The following GNAL variants were observed in gnomAD, a reference collection of about 807,000 sequenced individuals.
GNAL encodes guanine nucleotide-binding protein G(olf) subunit alpha.
A neutral mutation model predicts 55.1 loss-of-function variants in GNAL; 18 were observed. That is an observed-to-expected ratio of 0.33 (90% CI 0.23 to 0.48). The LOEUF is 0.48. Ranked by LOEUF, GNAL falls within the 20% of genes least tolerant of loss-of-function variation. The pLI, the probability that GNAL is intolerant of heterozygous loss-of-function variation, is 0.99. For synonymous variants in GNAL, 253 were observed against 237.0 expected (o/e 1.07, Z -0.62); for missense variants, 412 against 614.1 (o/e 0.67, Z 3.48).
intron 1 of GNAL, among the ~76,000 whole-genome samples, chr18:11,706,939 A>G (rs1057021311): frequency 2.0e-5 from 3 of 152,190 alleles, no homozygotes; most frequent in African/African-American, 7.2e-5. Flanking sequence ...TCATGTTGCT[A>G]TTTTGACCTC....
At chr18:11,769,764 C>T (rs1294524099) in intron 4 of GNAL, among the ~76,000 whole-genome samples, 2 of 152,168 alleles carry the variant, frequency 1.3e-5, no homozygotes, top group Non-Finnish European at 1.5e-5. Flanking sequence ...TCCATTTTCT[C>T]ATCCCAAGTG....
chr18:11,712,207 C>T (rs1342374576), intron 1 of GNAL, among the ~76,000 whole-genome samples: 1 of 152,146 alleles, frequency 6.6e-6, no homozygotes, highest in African/African-American at 2.4e-5. Context: ...CTGGGTGAAG[C>T]AAGATATAAA....
chr18:11,695,413 C>T (rs954888694), intron 1 of GNAL, among the ~76,000 whole-genome samples: 2 of 152,186 alleles, frequency 1.3e-5, no homozygotes, highest in East Asian at 3.8e-4. Flanking sequence ...CCTGGGTCTA[C>T]ACCAATTAAA....
At chr18:11,776,087 A>T (rs1191475209) in intron 4 of GNAL, among the ~76,000 whole-genome samples, 1 of 152,228 alleles carries the variant, frequency 6.6e-6, no homozygotes, top group African/African-American at 2.4e-5. Flanking sequence ...CTAAAAAATC[A>T]ACAGCATCCG....
At chr18:11,879,792 C>G (rs908869036) in intron 11 of GNAL, among the ~76,000 whole-genome samples, 1 of 152,202 alleles carries the variant, frequency 6.6e-6, no homozygotes, top group Non-Finnish European at 1.5e-5. Context: ...ATGTCTAACC[C>G]TGTTTCTCAG....
chr18:11,703,328 A>G (rs2031622492), intron 1 of GNAL, among the ~76,000 whole-genome samples: 1 of 152,234 alleles, frequency 6.6e-6, no homozygotes, highest in African/African-American at 2.4e-5. Context: ...TTGAAAATCC[A>G]TTTAGAATAT....
chr18:11,799,046 G>A (rs1443437813), intron 4 of GNAL, among the ~76,000 whole-genome samples: 1 of 151,820 alleles, frequency 6.6e-6, no homozygotes. Flanking sequence ...CTGGGAGGCG[G>A]AGGTTGCAAT....
intron 6 of GNAL, among the ~76,000 whole-genome samples, chr18:11,863,936 T>A (rs368966455): frequency 5.3e-5 from 8 of 152,368 alleles, no homozygotes; most frequent in Admixed American, 5.2e-4. Context: ...ATGCCCTGAC[T>A]GTGGTTGTCA....
At chr18:11,708,902 T>C (rs1218022981) in intron 1 of GNAL, among the ~76,000 whole-genome samples, 2 of 152,242 alleles carry the variant, frequency 1.3e-5, no homozygotes, top group African/African-American at 4.8e-5. Flanking sequence ...GAAACTTTTT[T>C]CCTATATTTT....
intron 11 of GNAL, among the ~76,000 whole-genome samples, chr18:11,878,232 C>T (rs1011119320): frequency 6.6e-6 from 1 of 152,172 alleles, no homozygotes; most frequent in African/African-American, 2.4e-5. Flanking sequence ...AGGTGGATCA[C>T]CTGAGGCCAG....
At chr18:11,873,816 C>G (rs532096284) in intron 10 of GNAL, among the ~76,000 whole-genome samples, 1 of 152,322 alleles carries the variant, frequency 6.6e-6, no homozygotes, top group Admixed American at 6.5e-5. Flanking sequence ...CTTGCCACCT[C>G]CTGTCACTCA....
chr18:11,817,985 C>CA (rs2035002221), intron 4 of GNAL, among the ~76,000 whole-genome samples: 1 of 151,204 alleles, frequency 6.6e-6, no homozygotes, highest in African/African-American at 2.4e-5. Context: ...CCTGTAATCC[C>CA]AGCACTTTGG....
At position 11,885,178 on chromosome 18, in the gene GNAL, A is replaced by G. The variant is rs143005245; in HGVS notation, c.*4043A>G. On this transcript the variant is annotated 3_prime_UTR_variant, in exon 12 of 12. Coordinates refer to ENST00000334049, the MANE Select transcript of GNAL (RefSeq NM_182978.4). ...GGTTTCCTCCACCTTTTTATGAAGT[A>G]AAAGAACCTGTCGTACCAGCATCAT... 1.3e-3 allele frequency: 786 copies of G among 628,550 alleles called. 6 individuals carry two copies. In the African/African-American group the frequency reaches 0.014, roughly 11 times the overall value. The allele number at this position is 628,550 out of a possible 1,614,324, so 38.9% of individuals were successfully genotyped here.
chr18:11,783,937 T>C (rs2033987981), intron 4 of GNAL, among the ~76,000 whole-genome samples: 2 of 152,230 alleles, frequency 1.3e-5, no homozygotes, highest in South Asian at 4.1e-4. Context: ...TCAGTGTTAG[T>C]GGGGAGGAAA....
chr18:11,878,472 CTA>C (rs1299976317), intron 11 of GNAL, among the ~76,000 whole-genome samples: 4 of 152,170 alleles, frequency 2.6e-5, no homozygotes, highest in African/African-American at 9.7e-5. Flanking sequence ...AAAAACAAAA[CTA>C]TTTGAAGCAA....
At chr18:11,769,020 TTATAATATATTATA>T (rs2033529927) in intron 4 of GNAL, among the ~76,000 whole-genome samples, 4 of 103,026 alleles carry the variant, frequency 3.9e-5, no homozygotes, top group Non-Finnish European at 5.3e-5. Flanking sequence ...ATATTCTATA[TTATAATATATTATA>T]TATAATATAT....
chr18:11,788,387 G>T (rs2034119339), intron 4 of GNAL, among the ~76,000 whole-genome samples: 1 of 152,174 alleles, frequency 6.6e-6, no homozygotes, highest in Non-Finnish European at 1.5e-5. Context: ...CGAACTTGCA[G>T]CAATGCCCTT....
intron 5 of GNAL, among the ~76,000 whole-genome samples, chr18:11,861,843 G>A (rs561734259): frequency 9.2e-5 from 14 of 152,158 alleles, no homozygotes; most frequent in East Asian, 7.7e-4. Flanking sequence ...TCACGTTCTC[G>A]CTCTCGCACA....
intron 11 of GNAL, among the ~76,000 whole-genome samples, chr18:11,878,568 TTTAG>T (rs1270748335): frequency 6.6e-6 from 1 of 152,084 alleles, no homozygotes. Flanking sequence ...GAAAGCCTTT[TTTAG>T]TTTGTTTATT....
Sources: gnomAD v4.1 joint callset for allele counts (sites outside exome capture counted in the v4.1 genomes callset) on GRCh38, gnomAD v4.1.1 for gene constraint, MANE v1.5 for transcripts, NCBI Gene and HGNC (gene_info 2026-07-23, HGNC 2026-07-21) for gene names.